Variants in SORBS2 observed in about 807,000 individuals in gnomAD.
SORBS2 encodes the protein sorbin and SH3 domain-containing protein 2.
In SORBS2, 46 loss-of-function variants were observed where a neutral mutation model predicts 97.7. The ratio of observed to expected loss-of-function variants is 0.47; its 90% CI spans 0.37 to 0.60. SORBS2 has a LOEUF of 0.60. Among genes scored for constraint, SORBS2 ranks in the 20% least tolerant of loss-of-function variants. The probability of loss-of-function intolerance (pLI) is 0.00; values close to 1 mark genes in which losing one functional copy is unlikely to be tolerated. For synonymous variants in SORBS2, 476 were observed against 473.4 expected (o/e 1.01, Z -0.07); for missense variants, 1,316 against 1,282.3 (o/e 1.03, Z -0.40).
chr4:185,815,663 G>GGA lies in SORBS2; in HGVS notation c.-337-40299_-337-40298dup, dbSNP rs151195751. On this transcript the variant is annotated intron_variant, in intron 1 of 20. Coordinates refer to the SORBS2 transcript ENST00000284776. ...ATAGTATACGCACACACATATATAT[G>GGA]GAGAGAGAGAGAGAGCTATCTATCT... 8.7e-3 allele frequency among the ~76,000 whole-genome samples: 1,310 copies of GGA among 151,236 alleles called. 15 individuals are homozygous for GGA. The highest frequency in any genetic ancestry group is 0.027 in the African/African-American group (1,100 of 41,284).
intron 2 of SORBS2, among the ~76,000 whole-genome samples, chr4:185,769,611 C>A (rs530579446): frequency 4.6e-5 from 7 of 152,278 alleles, no homozygotes; most frequent in Admixed American, 3.9e-4. Flanking sequence ...CTGCCTCAGC[C>A]TCCTGAGTAG....
At position 185,940,582 on chromosome 4, in the gene SORBS2, T is replaced by C. The variant is rs190420725; in HGVS notation, c.-338+15614A>G. ...TATCCTCTAATAGCTTCTCAGCATATAAAGAATAAAATCCAAACTGATTGC... is the reference window on the plus strand; with the variant it reads ...TATCCTCTAATAGCTTCTCAGCATACAAAGAATAAAATCCAAACTGATTGC... On this transcript the variant is annotated intron_variant, in intron 1 of 20. Coordinates refer to the SORBS2 transcript ENST00000284776. 1.9e-3 allele frequency among the ~76,000 whole-genome samples: 293 copies of C among 152,292 alleles called. 1 individual carries two copies. The highest frequency in any genetic ancestry group is 3.3e-3 in the Non-Finnish European group (222 of 68,034).
At chr4:185,719,046 G>T (rs1258303087) in intron 2 of SORBS2, among the ~76,000 whole-genome samples, 2 of 151,374 alleles carry the variant, frequency 1.3e-5, no homozygotes, top group East Asian at 3.9e-4. Context: ...TAACAAGCTT[G>T]CCCAATAATT....
At chr4:185,948,191 G>C (rs960679280) in intron 1 of SORBS2, among the ~76,000 whole-genome samples, 1 of 152,096 alleles carries the variant, frequency 6.6e-6, no homozygotes, top group African/African-American at 2.4e-5. Flanking sequence ...AGGCCATCTA[G>C]CTTACCTGAA....
intron 2 of SORBS2, among the ~76,000 whole-genome samples, chr4:185,724,892 A>C (rs974795059): frequency 1.3e-5 from 2 of 152,158 alleles, no homozygotes; most frequent in East Asian, 1.9e-4. Flanking sequence ...AGCAATGCTA[A>C]ATACTAGTTT....
chr4:185,626,968 T>G, exon 6 of SORBS2: 1 of 1,614,168 alleles, frequency 6.2e-7, no homozygotes, highest in Non-Finnish European at 8.5e-7. Flanking sequence ...GTGGACCCAC[T>G]GCAGGCTCGC....
rs147536434 is a variant in SORBS2, at chr4:185,623,726, G to T, written c.1403C>A (p.Pro468His). Residue 468 changes from proline to histidine, a missense_variant, in exon 7 of 15, where the codon CCC (proline) becomes CAC (histidine). Pro to His is a moderately conservative substitution (Grantham distance 77). Transcript: ENST00000418609. The surrounding 1 kb of genome is among the most constrained non-coding windows in gnomAD (Gnocchi z 6.4). ...CTGGCAGCCTCGCCGGCCCCGAGCGGGGGGGCCGCTTTGATTTTCTTCCTC... is the reference window on the plus strand; with the variant it reads ...CTGGCAGCCTCGCCGGCCCCGAGCGTGGGGGCCGCTTTGATTTTCTTCCTC... 5.0e-6 allele frequency: 8 copies of T among 1,613,712 alleles called. No homozygotes were observed. In the African/African-American group the frequency reaches 6.7e-5, roughly 13 times the overall value.
chr4:185,806,474 T>TTTTTTTTTTTC, intron 1 of SORBS2, among the ~76,000 whole-genome samples: 1 of 78,464 alleles, frequency 1.3e-5, no homozygotes, highest in Non-Finnish European at 2.4e-5. Context: ...TTTTTTTTTT[T>TTTTTTTTTTTC]TGAGACGGAG....
At chr4:185,792,623 GA>G (rs974899503) in intron 1 of SORBS2, among the ~76,000 whole-genome samples, 4 of 151,940 alleles carry the variant, frequency 2.6e-5, no homozygotes, top group Non-Finnish European at 5.9e-5. Context: ...TAAATCTTCA[GA>G]AAAAAAATTG....
chr4:185,637,464 G>A (rs943597500), intron 4 of SORBS2, among the ~76,000 whole-genome samples: 1 of 152,224 alleles, frequency 6.6e-6, no homozygotes, highest in Admixed American at 6.5e-5. Context: ...TAAGCAACAC[G>A]TGACTGTATT....
At chr4:185,682,010 T>C (rs1401961737) in intron 2 of SORBS2, among the ~76,000 whole-genome samples, 1 of 152,252 alleles carries the variant, frequency 6.6e-6, no homozygotes, top group African/African-American at 2.4e-5. Flanking sequence ...AGAATTATTT[T>C]AAAATGTTGA....
exon 9 of SORBS2, chr4:185,618,616 C>T (rs1317983070): frequency 6.5e-7 from 1 of 1,537,650 alleles, no homozygotes; most frequent in Non-Finnish European, 8.9e-7. Context: ...TCATAAACAG[C>T]TTTTGCAGGC....
At chr4:185,925,057 G>A (rs970076980) in intron 1 of SORBS2, among the ~76,000 whole-genome samples, 23 of 152,180 alleles carry the variant, frequency 1.5e-4, no homozygotes, top group African/African-American at 5.3e-4. Context: ...AGTTGCCACT[G>A]ATTGAGTTTA....
At chr4:185,677,254 G>A (rs933900284) in intron 4 of SORBS2, 2 of 1,551,750 alleles carry the variant, frequency 1.3e-6, no homozygotes, top group African/African-American at 1.4e-5. Context: ...GTACTAATGG[G>A]GCTGCTACTT....
chr4:185,871,816 G>A (rs2099230573), intron 1 of SORBS2, among the ~76,000 whole-genome samples: 1 of 152,124 alleles, frequency 6.6e-6, no homozygotes, highest in Non-Finnish European at 1.5e-5. Context: ...CTAGATCTGA[G>A]TTTACATTTC....
At chr4:185,826,550 C>A (rs751292033) in intron 1 of SORBS2, among the ~76,000 whole-genome samples, 15 of 152,302 alleles carry the variant, frequency 9.8e-5, no homozygotes, top group Non-Finnish European at 8.8e-5. Context: ...GAATGTACTG[C>A]AAGACACACT....
rs200786436 is a variant in SORBS2, at chr4:185,714,940, ACTTAT to A, written c.-197-36123_-197-36119del. On this transcript the variant is annotated intron_variant, in intron 2 of 20. Transcript: ENST00000284776. ...ACCTCTCAAATCATTTAAAAGTTTC[ACTTAT>A]CTTCAGAACACATGAGTCTATAAAG... Among the ~76,000 whole-genome samples, 900 of 152,314 alleles carry A rather than the reference ACTTAT, an allele frequency of 5.9e-3. 8 individuals carry two copies. The highest frequency in any genetic ancestry group is 0.021 in the African/African-American group (861 of 41,566).
At chr4:185,953,658 G>C (rs1027290089) in intron 1 of SORBS2, among the ~76,000 whole-genome samples, 1 of 152,184 alleles carries the variant, frequency 6.6e-6, no homozygotes, top group Non-Finnish European at 1.5e-5. Context: ...CGCTAATAAG[G>C]GCCTTTCTGT....
At chr4:185,813,055 C>T (rs1038881058) in intron 1 of SORBS2, 2 of 152,308 alleles carry the variant, frequency 1.3e-5, no homozygotes, top group East Asian at 3.9e-4. Context: ...CCATGAACAA[C>T]GTAAATCTTC....
Sources: gnomAD v4.1 joint callset for allele counts (sites outside exome capture counted in the v4.1 genomes callset) on GRCh38, gnomAD v4.1.1 for gene constraint, Gnocchi (gnomAD v3.1) non-coding constraint, MANE v1.5 for transcripts, NCBI Gene and HGNC (gene_info 2026-07-23, HGNC 2026-07-21) for gene names.